Variants in WDPCP observed in about 807,000 individuals in gnomAD.
The protein encoded by WDPCP is WD repeat-containing and planar cell polarity effector protein fritz homolog.
A neutral mutation model predicts 93.1 loss-of-function variants in WDPCP; 71 were observed. The observed-to-expected ratio is 0.76, with a 90% CI of 0.63 to 0.93. The LOEUF is 0.93. Ranked by LOEUF, WDPCP falls within the 40% of genes least tolerant of loss-of-function variation. The pLI is 0.00. For missense variants in WDPCP, 844 were observed against 887.4 expected (o/e 0.95, Z 0.62); for synonymous variants, 315 against 315.0 (o/e 1.00, Z 0.00).
upstream of WDPCP, chr2:63,593,024 T>C (rs995647274): frequency 1.3e-5 from 2 of 152,100 alleles, no homozygotes; most frequent in South Asian, 2.1e-4. Flanking sequence ...AAAAAAAAAA[T>C]TGTGTAGTAT....
intron 1 of WDPCP, among the ~76,000 whole-genome samples, chr2:63,503,267 A>G (rs930924300): frequency 6.6e-6 from 1 of 152,146 alleles, no homozygotes; most frequent in Non-Finnish European, 1.5e-5. Context: ...CAACAAATTA[A>G]ATTTCACTAA....
intron 1 of WDPCP, among the ~76,000 whole-genome samples, chr2:63,572,948 C>T (rs1414362752): frequency 6.6e-6 from 1 of 151,906 alleles, no homozygotes; most frequent in Non-Finnish European, 1.5e-5. Flanking sequence ...GATTTCTGCT[C>T]TTCAAAAGTA....
At chr2:63,335,899 C>T (rs748644338) in intron 12 of WDPCP, among the ~76,000 whole-genome samples, 1 of 152,162 alleles carries the variant, frequency 6.6e-6, no homozygotes, top group Non-Finnish European at 1.5e-5. Context: ...CAAAACCTGC[C>T]AAAACCAAAA....
chr2:63,208,616 G>A (rs1486236709), intron 14 of WDPCP, among the ~76,000 whole-genome samples: 1 of 152,100 alleles, frequency 6.6e-6, no homozygotes, highest in African/African-American at 2.4e-5. Context: ...CAGTTTTCTT[G>A]TATCCACAAA....
At chr2:63,522,892 G>T (rs1703048067) in intron 1 of WDPCP, among the ~76,000 whole-genome samples, 1 of 152,118 alleles carries the variant, frequency 6.6e-6, no homozygotes, top group South Asian at 2.1e-4. Context: ...ACAAAGAAGG[G>T]CTAGTACCAT....
chr2:63,530,412 A>C (rs1429780831), intron 1 of WDPCP, among the ~76,000 whole-genome samples: 2 of 152,088 alleles, frequency 1.3e-5, no homozygotes, highest in Non-Finnish European at 2.9e-5. Context: ...CTTTGTTCTC[A>C]TTGGTTTCAA....
intron 17 of WDPCP, among the ~76,000 whole-genome samples, chr2:63,146,190 C>T (rs918477506): frequency 6.6e-6 from 1 of 152,154 alleles, no homozygotes. Flanking sequence ...ATTTGGATGC[C>T]CTTTATTTCT....
At chr2:63,523,105 C>T (rs1703064176) in intron 1 of WDPCP, among the ~76,000 whole-genome samples, 1 of 152,168 alleles carries the variant, frequency 6.6e-6, no homozygotes, top group South Asian at 2.1e-4. Flanking sequence ...AAAGCTAATC[C>T]ACCACAATCA....
At chr2:63,533,293 A>C (rs751267926) in intron 1 of WDPCP, among the ~76,000 whole-genome samples, 1 of 152,204 alleles carries the variant, frequency 6.6e-6, no homozygotes, top group Non-Finnish European at 1.5e-5. Flanking sequence ...AATATTAGAC[A>C]GATCGATGAG....
intron 1 of WDPCP, among the ~76,000 whole-genome samples, chr2:63,581,500 G>A (rs994963033): frequency 5.3e-5 from 8 of 152,098 alleles, no homozygotes; most frequent in Non-Finnish European, 7.4e-5. Flanking sequence ...TCACCAGCCC[G>A]ACAGAAAAAC....
At chr2:63,745,990 C>T (rs1189186186) in intron 2 of WDPCP, among the ~76,000 whole-genome samples, 1 of 152,088 alleles carries the variant, frequency 6.6e-6, no homozygotes, top group African/African-American at 2.4e-5. Context: ...TTCTTAATCA[C>T]TAATGAAGGT....
At chr2:63,130,314 C>T (rs1013044518) in intron 17 of WDPCP, among the ~76,000 whole-genome samples, 1 of 152,068 alleles carries the variant, frequency 6.6e-6, no homozygotes, top group African/African-American at 2.4e-5. Context: ...AGTCTAACTT[C>T]ATACTTTTGC....
At chr2:63,371,281 C>T (rs1274107365) in intron 12 of WDPCP, among the ~76,000 whole-genome samples, 2 of 151,998 alleles carry the variant, frequency 1.3e-5, no homozygotes, top group Non-Finnish European at 1.5e-5. Flanking sequence ...GTTCAAAATC[C>T]ACCACTCTAT....
At chr2:63,378,630 G>T in intron 11 of WDPCP, 121 bp from the exon 12 acceptor site, 2 of 1,383,408 alleles carry the variant, frequency 1.4e-6, no homozygotes, top group Non-Finnish European at 2.0e-6. Flanking sequence ...CTTGTTGCAG[G>T]AAAGATAAAA....
chr2:63,347,304 T>C (rs1689256652), intron 12 of WDPCP, among the ~76,000 whole-genome samples: 1 of 152,236 alleles, frequency 6.6e-6, no homozygotes, highest in South Asian at 2.1e-4. Flanking sequence ...TTCAGATGAA[T>C]AATAATTTTT....
upstream of WDPCP, among the ~76,000 whole-genome samples, chr2:63,592,204 C>T (rs1413336545): frequency 6.6e-6 from 1 of 152,122 alleles, no homozygotes; most frequent in East Asian, 1.9e-4. Flanking sequence ...AATGAGAAAA[C>T]AGTTCATCAG....
At chr2:63,623,846 A>T (rs572675417) in intron 3 of WDPCP, among the ~76,000 whole-genome samples, 1 of 152,206 alleles carries the variant, frequency 6.6e-6, no homozygotes, top group African/African-American at 2.4e-5. Context: ...CCTAATAGAC[A>T]TGTTCAGAAC....
chr2:63,691,260 AAGGAT>A (rs1668883739), intron 2 of WDPCP, among the ~76,000 whole-genome samples: 1 of 152,228 alleles, frequency 6.6e-6, no homozygotes, highest in Non-Finnish European at 1.5e-5. Context: ...GATAGGATAC[AAGGAT>A]AGAAATGCTT....
At chr2:63,738,442 T>C (rs1260474741) in intron 2 of WDPCP, among the ~76,000 whole-genome samples, 2 of 145,636 alleles carry the variant, frequency 1.4e-5, no homozygotes, top group East Asian at 3.9e-4. Flanking sequence ...CCTGTGCACA[T>C]AGATCTGCTT....
Sources: gnomAD v4.1 joint callset for allele counts (sites outside exome capture counted in the v4.1 genomes callset) on GRCh38, gnomAD v4.1.1 for gene constraint, MANE v1.5 for transcripts, NCBI Gene and HGNC (gene_info 2026-07-23, HGNC 2026-07-21) for gene names.